The following NLRP12 variants were observed in gnomAD, a reference collection of about 807,000 sequenced individuals.
The protein encoded by NLRP12 is NACHT, LRR and PYD domains-containing protein 12.
In NLRP12, 108 loss-of-function variants were observed where a neutral mutation model predicts 91.2. The observed-to-expected ratio is 1.18, with a 90% CI of 1.01 to 1.39. The LOEUF (loss-of-function observed/expected upper bound fraction) is 1.39. NLRP12 is among the 40% of genes most tolerant of loss of function. The pLI is 0.00. For synonymous variants in NLRP12, 613 were observed against 566.7 expected (o/e 1.08, Z -1.16); for missense variants, 1,530 against 1,352.7 (o/e 1.13, Z -2.06).
At chr19:53,818,658 C>A (rs181230825) in intron 1 of NLRP12, among the ~76,000 whole-genome samples, 190 of 151,920 alleles carry the variant, frequency 1.3e-3, no homozygotes, top group African/African-American at 4.1e-3. Flanking sequence ...GAGTGAGACT[C>A]CGTCTCAAAA....
intron 3 of NLRP12, among the ~76,000 whole-genome samples, chr19:53,808,975 G>A (rs2092007195): frequency 6.6e-6 from 1 of 152,010 alleles, no homozygotes; most frequent in African/African-American, 2.4e-5. Context: ...CTGGTTAAGA[G>A]CATGAACCTC....
chr19:53,800,197 C>T (rs998285681), intron 7 of NLRP12, among the ~76,000 whole-genome samples: 7 of 152,024 alleles, frequency 4.6e-5, no homozygotes, highest in Middle Eastern at 3.4e-3. Context: ...CCCAGCTACT[C>T]GGGAGGCTGA....
rs2091749987 is a variant in NLRP12 at position 53,795,955 on chromosome 19, G to A, written c.3002C>T (p.Thr1001Ile). 5.0e-6 allele frequency: 8 copies of A among 1,614,044 alleles called. No individual in the cohort carries two copies. The East Asian group carries it at 1.6e-4, about 31-fold the overall frequency. Residue 1001 changes from threonine to isoleucine, a missense_variant, in exon 9 of 10, where the codon ACC (threonine) becomes ATC (isoleucine). Physicochemically the swap from Thr to Ile is moderately conservative, Grantham distance 89 (BLOSUM62 -1). Coordinates refer to ENST00000324134, the MANE Select transcript of NLRP12 (RefSeq NM_144687.4). ...GGCGTTGTTGGTCAGGTAAAGGTCGGTCAAGGTCTGGTTGATCCCCAGGGT... is the reference window on the plus strand; with the variant it reads ...GGCGTTGTTGGTCAGGTAAAGGTCGATCAAGGTCTGGTTGATCCCCAGGGT... ...YFTLGINQTLTDLYLTNNALG... is the reference protein window; with the variant it reads ...YFTLGINQTLIDLYLTNNALG...
chr19:53,823,725 T>G (rs542158549), intron 1 of NLRP12, among the ~76,000 whole-genome samples, 161 bp downstream of exon 1: 26 of 151,560 alleles, frequency 1.7e-4, no homozygotes, highest in African/African-American at 6.3e-4. Flanking sequence ...ATTTTTTTTA[T>G]TTTTGGTAGA....
intron 1 of NLRP12, among the ~76,000 whole-genome samples, chr19:53,821,741 G>T (rs4632248): frequency 0.26 from 39,146 of 152,016 alleles, 5,426 homozygotes; most frequent in African/African-American, 0.38. Context: ...AGCCAGAGTG[G>T]TGGGAGCGAG....
chr19:53,811,183 C>T lies in NLRP12; in HGVS notation c.476G>A (p.Arg159Gln), dbSNP rs1346585060. 2.5e-6 allele frequency: 4 copies of T among 1,613,940 alleles called. No homozygotes were observed. The highest frequency in any genetic ancestry group is 2.7e-5 in the African/African-American group (2 of 74,926). The change falls in exon 3 of 10, where the codon CGG (arginine) becomes CAG (glutamine). Residue 159 changes from arginine (R) to glutamine (Q), a missense_variant. By Grantham distance (43) the Arg-to-Gln change is conservative. Transcript: ENST00000324134. The stretch of plus-strand genomic sequence containing the variant: ...TGAGTGCTCCTTCACCAGCAGGAGC[C>T]GGGTGTACCGGTGGCTGAGGTTGAC... The part of the protein sequence containing the change: ...ECVNLSHRYT[R>Q]LLLVKEHSNP...
At position 53,795,891 on chromosome 19, in the gene NLRP12, C is replaced by T; in HGVS notation, c.3066G>A (p.Leu1022=). The change falls in exon 9 of 10, where the codon CTG becomes CTA. Residue 1022 remains leucine (L), a synonymous_variant. Coordinates refer to ENST00000324134, the MANE Select transcript of NLRP12 (RefSeq NM_144687.4). ...DTGVRLLCKR[L]SHPGCKLRVL... ...CTCGGAGTTTGCAGCCAGGATGGCTCAGCCGCTTGCAAAGCAGTCGGACAC... is the reference window on the plus strand; with the variant it reads ...CTCGGAGTTTGCAGCCAGGATGGCTTAGCCGCTTGCAAAGCAGTCGGACAC... 1 of 1,614,178 alleles carries T rather than the reference C, an allele frequency of 6.2e-7. No individual in the cohort carries two copies.
chr19:53,807,151 T>C (rs1231238235), intron 4 of NLRP12, among the ~76,000 whole-genome samples: 1 of 151,722 alleles, frequency 6.6e-6, no homozygotes, highest in Non-Finnish European at 1.5e-5. Flanking sequence ...CACTGCAACC[T>C]CCGCCTCCCA....
intron 1 of NLRP12, among the ~76,000 whole-genome samples, chr19:53,816,095 T>TATCA (rs2092155342): frequency 6.6e-6 from 1 of 151,952 alleles, no homozygotes; most frequent in Admixed American, 6.6e-5. Context: ...CGTTTGGATA[T>TATCA]ATCATAAGAT....
At chr19:53,806,132 G>A (rs1010932505) in intron 4 of NLRP12, among the ~76,000 whole-genome samples, 2 of 152,154 alleles carry the variant, frequency 1.3e-5, no homozygotes, top group African/African-American at 4.8e-5. Flanking sequence ...TAATCAGGAG[G>A]CTGAGGCAGG....
intron 5 of NLRP12, among the ~76,000 whole-genome samples, chr19:53,804,552 G>A (rs2091926998): frequency 6.6e-6 from 1 of 151,226 alleles, no homozygotes; most frequent in East Asian, 2.0e-4. Context: ...TGGGCTACAG[G>A]TGTGTGCCAC....
chr19:53,797,166 C>T (rs1412211519), intron 8 of NLRP12, among the ~76,000 whole-genome samples: 2 of 151,794 alleles, frequency 1.3e-5, no homozygotes, highest in Non-Finnish European at 2.9e-5. Flanking sequence ...GAGTCTTTCT[C>T]TGGCACCTAG....
intron 1 of NLRP12, among the ~76,000 whole-genome samples, chr19:53,820,878 T>C (rs941933228): frequency 5.3e-5 from 8 of 151,366 alleles, no homozygotes; most frequent in African/African-American, 1.9e-4. Context: ...ATAAAAATAT[T>C]TTTAAAAAAA....
At chr19:53,815,206 C>T (rs144054496) in intron 1 of NLRP12, among the ~76,000 whole-genome samples, 70 of 150,586 alleles carry the variant, frequency 4.6e-4, no homozygotes, top group Non-Finnish European at 6.9e-4. Context: ...TCATTGGCAC[C>T]TCCATCCATC....
Position 53,815,495 on chromosome 19 carries a change from G to C in NLRP12, c.290-507C>G, listed in dbSNP as rs555556115. On this transcript the variant is annotated intron_variant, in intron 1 of 9. Transcript: ENST00000324134. ...ACCTGCCTTGGCCTCCCAAAGTGCT[G>C]GGTTTACAGATGTGAGCCACTGCAC... Among the ~76,000 whole-genome samples the C allele has an allele frequency of 5.3e-5, 8 of 152,074 alleles. No homozygotes were observed. The South Asian group carries it at 1.7e-3, about 32-fold the overall frequency.
intron 8 of NLRP12, 23 bp from the exon 9 acceptor site, chr19:53,796,052 T>C: frequency 6.2e-7 from 1 of 1,611,634 alleles, no homozygotes; most frequent in Non-Finnish European, 8.5e-7. Context: ...AGGAGTTGGT[T>C]AAGGTAACAC....
At position 53,810,990 on chromosome 19, in the gene NLRP12, C is replaced by T; in HGVS notation, c.669G>A (p.Lys223=). The T allele has an allele frequency of 6.2e-7, 1 of 1,614,170 alleles. No homozygotes were observed. The highest frequency in any genetic ancestry group is 1.1e-5 in the South Asian group (1 of 91,092). The change falls in exon 3 of 10, where the codon AAG becomes AAA. Residue 223 remains lysine, a synonymous_variant. Coordinates refer to ENST00000324134, the MANE Select transcript of NLRP12 (RefSeq NM_144687.4). ...VVMQGAAGIG[K]SMLAHKVMLD... ...GCATCACCTTGTGTGCCAGCATGGA[C>T]TTGCCTATCCCTGCCGCGCCTTGCA...
intron 1 of NLRP12, among the ~76,000 whole-genome samples, chr19:53,823,440 T>C (rs1248834017): frequency 1.8e-5 from 2 of 110,594 alleles, no homozygotes; most frequent in Non-Finnish European, 3.7e-5. Flanking sequence ...ATTTAAAATA[T>C]ATGTTTTAAA....
chr19:53,798,606 G>A (rs1237436275), intron 7 of NLRP12, among the ~76,000 whole-genome samples, 193 bp from the exon 8 acceptor site: 1 of 152,136 alleles, frequency 6.6e-6, no homozygotes, highest in Non-Finnish European at 1.5e-5. Context: ...ACAGAAGGAA[G>A]CAACTAAGAA....
Sources: allele counts gnomAD v4.1 joint callset (sites outside exome capture counted in the v4.1 genomes callset), GRCh38; gene constraint gnomAD v4.1.1; transcripts MANE v1.5; gene names NCBI Gene and HGNC (gene_info 2026-07-23, HGNC 2026-07-21).